CCDC85C: variants seen among roughly 807,000 people sequenced by gnomAD.
CCDC85C encodes coiled-coil domain containing 85C, also known as coiled-coil domain-containing protein 85C.
In CCDC85C, 18 loss-of-function variants were observed where a neutral mutation model predicts 38.3. The ratio of observed to expected loss-of-function variants is 0.47; its 90% CI spans 0.33 to 0.70. The LOEUF (loss-of-function observed/expected upper bound fraction) is 0.70, where lower values mean the gene tolerates loss of function less well. Ranked by LOEUF, CCDC85C falls within the 30% of genes least tolerant of loss-of-function variation. The probability of loss-of-function intolerance (pLI) is 0.03; values close to 1 mark genes in which losing one functional copy is unlikely to be tolerated. For missense variants in CCDC85C, 566 were observed against 621.2 expected (o/e 0.91, Z 0.94); for synonymous variants, 264 against 293.8 (o/e 0.90, Z 1.04).
chr14:99,549,424 G>C (rs112015509), intron 1 of CCDC85C, among the ~76,000 whole-genome samples: 5 of 152,324 alleles, frequency 3.3e-5, no homozygotes, highest in African/African-American at 1.2e-4. Context: ...AGGGAGATGA[G>C]GGGTTCACAG....
At chr14:99,564,769 C>T (rs561674119) in intron 1 of CCDC85C, among the ~76,000 whole-genome samples, 1 of 152,336 alleles carries the variant, frequency 6.6e-6, no homozygotes, top group African/African-American at 2.4e-5. Flanking sequence ...TTTAAGGCCC[C>T]TTGGCAACCG....
chr14:99,530,518 G>A, intron 2 of CCDC85C, among the ~76,000 whole-genome samples: 1 of 152,154 alleles, frequency 6.6e-6, no homozygotes, highest in Non-Finnish European at 1.5e-5. Flanking sequence ...CATCCTCCTA[G>A]GGACACAGAA....
chr14:99,571,348 A>ATAATAATAATAG (rs1708758998), intron 1 of CCDC85C, among the ~76,000 whole-genome samples: 1 of 147,062 alleles, frequency 6.8e-6, no homozygotes. Context: ...AGTAGTAGTA[A>ATAATAATAATAG]TAATAATAAT....
chr14:99,507,208 G>A lies in CCDC85C; in HGVS notation c.*8038C>T. The A allele has an allele frequency of 1.0e-6, 1 of 995,072 alleles. No homozygotes were observed. The highest frequency in any genetic ancestry group is 1.3e-5 in the South Asian group (1 of 78,852). The allele number at this position is 995,072 out of a possible 1,614,324, so 61.6% of individuals were successfully genotyped here. A position where few individuals can be genotyped will look rare whatever the true frequency, so the allele number is the denominator to read the frequency against. The stretch of plus-strand genomic sequence containing the variant: ...ACATCGCCTCTGAATGTTGGACGCA[G>A]CAGGTCCTGGGAACTTAGAAAAGGG... On this transcript the variant is annotated 3_prime_UTR_variant, in exon 6 of 6. Transcript: ENST00000380243.
rs2139969367 is a variant in CCDC85C, at chr14:99,576,461, A to T, written c.793+26706T>A. On this transcript the variant is annotated intron_variant, in intron 1 of 5. Coordinates refer to ENST00000380243, the MANE Select transcript of CCDC85C (RefSeq NM_001144995.2). This position sits in a 1 kb window ranked among gnomAD's most constrained non-coding sequence, Gnocchi z 4.8. ...CCTCAGCTCTGCCTGGAGACTCCTG[A>T]CCTGTCTGTCACCTCCCAGCACAGG... 1 of 152,374 alleles carries T rather than the reference A, an allele frequency of 6.6e-6. No homozygotes were observed. The highest frequency in any genetic ancestry group is 1.5e-5 in the Non-Finnish European group (1 of 68,168). 9.4% of individuals were successfully genotyped at this position (152,374 alleles called of 1,614,324 possible). A position where few individuals can be genotyped will look rare whatever the true frequency, so the allele number is the denominator to read the frequency against.
chr14:99,510,419 C>T lies in CCDC85C; in HGVS notation c.*4827G>A, dbSNP rs1015956427. 4 of 1,550,484 alleles carry T rather than the reference C, an allele frequency of 2.6e-6. No homozygotes were observed. The highest frequency in any genetic ancestry group is 1.7e-4 in the Middle Eastern group (1 of 5,734). ...AGACCGAGGGACCCTCCTACGGTGC[C>T]CTGCCCCCCGCCTACGGCCCACCTG... On this transcript the variant is annotated 3_prime_UTR_variant, in exon 6 of 6. Transcript: ENST00000380243.
At chr14:99,530,471 G>A (rs955224202) in intron 2 of CCDC85C, among the ~76,000 whole-genome samples, 6 of 152,166 alleles carry the variant, frequency 3.9e-5, no homozygotes, top group South Asian at 2.1e-4. Flanking sequence ...CCACCGCGAC[G>A]CCAGCATCTC....
chr14:99,571,569 C>T (rs551488206), intron 1 of CCDC85C, among the ~76,000 whole-genome samples: 24 of 152,302 alleles, frequency 1.6e-4, no homozygotes, highest in Admixed American at 6.5e-4. Context: ...GGGGAGCAGG[C>T]GGGCCCCTCC....
chr14:99,524,091 C>T (rs1162592854), intron 2 of CCDC85C, among the ~76,000 whole-genome samples: 2 of 150,464 alleles, frequency 1.3e-5, no homozygotes, highest in Non-Finnish European at 1.5e-5. Context: ...CCTAGCTCCA[C>T]TTAAGGGCGA....
Position 99,510,829 on chromosome 14 carries a change from C to A in CCDC85C, c.*4417G>T. On this transcript the variant is annotated 3_prime_UTR_variant, in exon 6 of 6. Transcript: ENST00000380243. The stretch of plus-strand genomic sequence containing the variant: ...TGTTTTTTTAACAAGATTTTCTAAT[C>A]GACTTGCAGAGTAGTTGAAGTGGGT... 7.3e-7 allele frequency: 1 copy of A among 1,375,770 alleles called. No individual in the cohort carries two copies. The highest frequency in any genetic ancestry group is 9.4e-7 in the Non-Finnish European group (1 of 1,060,434). 85.2% of individuals were successfully genotyped at this position (1,375,770 alleles called of 1,614,324 possible). A position where few individuals can be genotyped will look rare whatever the true frequency, so the allele number is the denominator to read the frequency against.
chr14:99,519,279 CTTTTT>C (rs60431041), intron 3 of CCDC85C, among the ~76,000 whole-genome samples: 1 of 122,860 alleles, frequency 8.1e-6, no homozygotes, highest in African/African-American at 3.2e-5. Flanking sequence ...CCATGCCCAG[CTTTTT>C]TTTTTTTTTT....
chr14:99,527,681 C>T (rs2139907580), intron 2 of CCDC85C, among the ~76,000 whole-genome samples: 1 of 152,338 alleles, frequency 6.6e-6, no homozygotes, highest in Middle Eastern at 3.4e-3. Flanking sequence ...ACGCAGAACC[C>T]TCAGCCCAGT....
chr14:99,528,779 CTTCT>C (rs1897437681), intron 2 of CCDC85C, among the ~76,000 whole-genome samples: 1 of 152,054 alleles, frequency 6.6e-6, no homozygotes, highest in Middle Eastern at 3.4e-3. Flanking sequence ...CTTTCTTTTT[CTTCT>C]TTAATTTTGA....
Position 99,524,007 on chromosome 14 carries a change from TGA to T in CCDC85C, c.868-1769_868-1768del, listed in dbSNP as rs1231876109. On this transcript the variant is annotated intron_variant, in intron 2 of 5. Transcript: ENST00000380243. ...CCCAGCACTCACCCTCCCCCAACCATGAGTGACACCCCTCCCCCCACCCCATC... is the reference window on the plus strand; with the variant it reads ...CCCAGCACTCACCCTCCCCCAACCATGTGACACCCCTCCCCCCACCCCATC... Among the ~76,000 whole-genome samples, 4 of 76,534 alleles carry T rather than the reference TGA, an allele frequency of 5.2e-5. No homozygotes were observed. The Admixed American group carries it at 7.9e-4, about 15-fold the overall frequency. The allele number at this position is 76,534 out of a possible 152,430, so 50.2% of individuals were successfully genotyped here.
At position 99,512,460 on chromosome 14, in the gene CCDC85C, TTCC is replaced by T. The variant is rs752739920; in HGVS notation, c.*2783_*2785del. 1.3e-5 allele frequency: 2 copies of T among 152,214 alleles called. No individual in the cohort carries two copies. Among genetic ancestry groups the T allele is most frequent in the African/African-American group, 2.4e-5 (1 of 41,450 alleles). 9.4% of individuals were successfully genotyped at this position (152,214 alleles called of 1,614,324 possible). A position where few individuals can be genotyped will look rare whatever the true frequency, so the allele number is the denominator to read the frequency against. On this transcript the variant is annotated 3_prime_UTR_variant, in exon 6 of 6. Transcript: ENST00000380243. ...AAAAAATCAGTAGTATGTATCTTGT[TTCC>T]TCAAGTTTCAAGAAAAAAAAAATGA...
chr14:99,594,031 C>T (rs1038520999), intron 1 of CCDC85C, among the ~76,000 whole-genome samples: 1 of 3,114 alleles, frequency 3.2e-4, no homozygotes, highest in East Asian at 4.2e-3. Flanking sequence ...GGGGTGGGGG[C>T]GGGGGGCGGG....
chr14:99,502,892 C>CCCCAGCAACCAG lies in CCDC85C; in HGVS notation c.*12342_*12353dup. 1.4e-5 allele frequency: 22 copies of CCCCAGCAACCAG among 1,613,588 alleles called. No individual in the cohort carries two copies. Among genetic ancestry groups the CCCCAGCAACCAG allele is most frequent in the Non-Finnish European group, 1.9e-5 (22 of 1,179,696 alleles). ...ACCATCCCAGCCCCAGCAGAAGGAC[C>CCCCAGCAACCAG]CCCAGCAACCAGCCCAGCAGCAGCA... is the stretch of plus-strand genomic sequence containing the variant. On this transcript the variant is annotated 3_prime_UTR_variant, in exon 6 of 6. Transcript: ENST00000380243.
At chr14:99,596,937 C>A (rs1426662496) in intron 1 of CCDC85C, among the ~76,000 whole-genome samples, 7 of 152,178 alleles carry the variant, frequency 4.6e-5, no homozygotes, top group African/African-American at 1.4e-4. Flanking sequence ...AGGCGCTGTC[C>A]TGCCTGAGCC....
chr14:99,561,985 G>A (rs973354395), intron 1 of CCDC85C, among the ~76,000 whole-genome samples: 3 of 152,138 alleles, frequency 2.0e-5, no homozygotes, highest in African/African-American at 4.8e-5. Context: ...GGCTCCCCAC[G>A]CGAGGACCTC....
Sources: gnomAD v4.1 joint callset for allele counts (sites outside exome capture counted in the v4.1 genomes callset) on GRCh38, gnomAD v4.1.1 for gene constraint, Gnocchi (gnomAD v3.1) non-coding constraint, MANE v1.5 for transcripts, NCBI Gene and HGNC (gene_info 2026-07-23, HGNC 2026-07-21) for gene names.